The following CELF2 variants were observed in gnomAD, a reference collection of about 807,000 sequenced individuals.
The protein encoded by CELF2 is CUG triplet repeat RNA-binding protein 2.
CELF2 carries 8 observed loss-of-function variants against 62.6 expected under a neutral mutation model. That is an observed-to-expected ratio of 0.13 (90% CI 0.07 to 0.23). CELF2 has a LOEUF of 0.23. CELF2 is among the 10% of genes least tolerant of loss of function. The pLI is 1.00. For missense variants in CELF2, 333 were observed against 671.0 expected, an observed-to-expected ratio of 0.50 and a Z score of 5.56; for synonymous variants, 258 against 250.0, an observed-to-expected ratio of 1.03 and a Z score of -0.30.
At chr10:10,869,213 C>T (rs189005044) in intron 1 of CELF2, among the ~76,000 whole-genome samples, 21 of 152,198 alleles carry the variant, frequency 1.4e-4, no homozygotes, top group Non-Finnish European at 4.4e-5. Flanking sequence ...GTAAATATCA[C>T]GTATTTGATT....
chr10:11,077,601 A>G (rs751915882), intron 1 of CELF2, among the ~76,000 whole-genome samples: 2 of 152,168 alleles, frequency 1.3e-5, no homozygotes, highest in Non-Finnish European at 2.9e-5. Context: ...AAAAATACCT[A>G]TTATTACTTT....
chr10:10,575,999 T>C, the CELF2 span, among the ~76,000 whole-genome samples: 1 of 152,228 alleles, frequency 6.6e-6, no homozygotes, highest in South Asian at 2.1e-4. Context: ...GTAGACATTT[T>C]AGCAGTCTCA....
rs906486566 is a variant in CELF2, at chr10:11,267,143, A to G, written c.618+466A>G. ...GTTATCTTCCATCTAGTCAAACAGC[A>G]TTGTGTTTTTACATCAAGAATGTTG... is the stretch of plus-strand genomic sequence containing the variant. On this transcript the variant is annotated intron_variant, in intron 6 of 12. Coordinates refer to ENST00000633077, the MANE Select transcript of CELF2 (RefSeq NM_001326342.2). The surrounding 1 kb of genome is among the most constrained non-coding windows in gnomAD (Gnocchi z 4.4). 4.6e-5 allele frequency among the ~76,000 whole-genome samples: 7 copies of G among 152,196 alleles called. No homozygotes were observed. The highest frequency in any genetic ancestry group is 1.7e-4 in the African/African-American group (7 of 41,450).
the CELF2 span, among the ~76,000 whole-genome samples, chr10:10,752,802 T>TA: frequency 0.89 from 103,547 of 116,570 alleles, 46,360 homozygotes; most frequent in Non-Finnish European, 0.93. Flanking sequence ...ATACCGGTAG[T>TA]AAAAAAAAAA....
At chr10:11,106,195 T>A (rs184637756) in intron 1 of CELF2, among the ~76,000 whole-genome samples, 99 of 145,288 alleles carry the variant, frequency 6.8e-4, no homozygotes, top group African/African-American at 2.3e-3. Flanking sequence ...ACTTTTATTT[T>A]ATTTTACTTT....
the CELF2 span, among the ~76,000 whole-genome samples, chr10:10,558,645 G>A: frequency 1.3e-5 from 2 of 152,112 alleles, no homozygotes; most frequent in South Asian, 2.1e-4. Context: ...GTAGAATTCG[G>A]CTGTGAATCC....
chr10:10,875,713 T>C (rs113784750), intron 1 of CELF2, among the ~76,000 whole-genome samples: 2,015 of 151,882 alleles, frequency 0.013, 56 homozygotes, highest in African/African-American at 0.046. Flanking sequence ...CATTTTTTTT[T>C]CTCTAAAAGC....
chr10:10,966,965 A>G (rs1019913511), intron 2 of CELF2, among the ~76,000 whole-genome samples: 11 of 152,256 alleles, frequency 7.2e-5, no homozygotes, highest in Admixed American at 2.0e-4. Flanking sequence ...AATGGATTTC[A>G]TTGATTACCA....
chr10:10,992,201 C>G (rs535024190), intron 2 of CELF2, among the ~76,000 whole-genome samples: 1 of 152,178 alleles, frequency 6.6e-6, no homozygotes, highest in African/African-American at 2.4e-5. Context: ...ATCTACAGAT[C>G]AACAATGGTT....
At chr10:10,856,757 G>A (rs2059736297) in intron 1 of CELF2, among the ~76,000 whole-genome samples, 1 of 152,186 alleles carries the variant, frequency 6.6e-6, no homozygotes, top group African/African-American at 2.4e-5. Flanking sequence ...AGCATCACCA[G>A]ATTTATCTTA....
At chr10:10,696,347 G>A in the CELF2 span, among the ~76,000 whole-genome samples, 1 of 151,890 alleles carries the variant, frequency 6.6e-6, no homozygotes, top group East Asian at 1.9e-4. Flanking sequence ...ACTTGAGGAG[G>A]CAGTCTGCCC....
At chr10:11,101,199 A>C (rs1266781900) in intron 1 of CELF2, among the ~76,000 whole-genome samples, 1 of 152,190 alleles carries the variant, frequency 6.6e-6, no homozygotes, top group African/African-American at 2.4e-5. Flanking sequence ...AGTTCGCTGA[A>C]AGGGATCAGG....
At chr10:10,749,226 G>A in the CELF2 span, among the ~76,000 whole-genome samples, 1 of 152,242 alleles carries the variant, frequency 6.6e-6, no homozygotes, top group Middle Eastern at 3.4e-3. Context: ...GAATACTCAT[G>A]ATTCTAGATC....
chr10:10,839,098 A>G (rs998648607), intron 1 of CELF2, among the ~76,000 whole-genome samples: 1 of 152,222 alleles, frequency 6.6e-6, no homozygotes, highest in African/African-American at 2.4e-5. Flanking sequence ...GTGAGCCAAC[A>G]TCACTCCACT....
upstream of CELF2, among the ~76,000 whole-genome samples, chr10:11,014,167 G>A (rs1252518389): frequency 6.6e-6 from 1 of 152,182 alleles, no homozygotes; most frequent in East Asian, 1.9e-4. Context: ...AAATGTGATA[G>A]GGGAAAGATG....
the CELF2 span, among the ~76,000 whole-genome samples, chr10:10,673,358 A>T: frequency 6.6e-6 from 1 of 152,144 alleles, no homozygotes; most frequent in African/African-American, 2.4e-5. Flanking sequence ...CTTGTTCATG[A>T]TCTTAGTGAG....
chr10:10,695,145 C>T, the CELF2 span, among the ~76,000 whole-genome samples: 7 of 148,676 alleles, frequency 4.7e-5, no homozygotes, highest in African/African-American at 7.5e-5. Flanking sequence ...CGGCTGGTAC[C>T]GATTGTTCCT....
chr10:11,142,967 A>ATTCTTCTGTCCTCCCTCCACTGGGGGT (rs2061620588), intron 1 of CELF2, among the ~76,000 whole-genome samples: 2 of 123,990 alleles, frequency 1.6e-5, no homozygotes, highest in East Asian at 2.3e-4. Flanking sequence ...CCACTGGGGG[A>ATTCTTCTGTCCTCCCTCCACTGGGGGT]ACTCACTCCC....
In CELF2 at chr10:11,285,035, T is replaced by G. The variant is rs2090735307; in HGVS notation, c.842-3383T>G. Among the ~76,000 whole-genome samples, 1 of 146,862 alleles carries G rather than the reference T, an allele frequency of 6.8e-6. No homozygotes were observed. Among genetic ancestry groups the G allele is most frequent in the Non-Finnish European group, 1.5e-5 (1 of 66,910 alleles). On this transcript the variant is annotated intron_variant, in intron 8 of 12. Coordinates refer to ENST00000633077, the MANE Select transcript of CELF2 (RefSeq NM_001326342.2). The surrounding 1 kb of genome is among the most constrained non-coding windows in gnomAD (Gnocchi z 4.3). ...GGTGGGAGGATAGTGGATCTGTGGA[T>G]GGATAATTAAGTGGATGGATGGATA...
Sources: allele counts gnomAD v4.1 joint callset (sites outside exome capture counted in the v4.1 genomes callset), GRCh38; gene constraint gnomAD v4.1.1; non-coding constraint Gnocchi (gnomAD v3.1); transcripts MANE v1.5; gene names NCBI Gene and HGNC (gene_info 2026-07-23, HGNC 2026-07-21).